Variants in CFAP251 observed in about 807,000 individuals in gnomAD.
CFAP251 encodes the protein cilia- and flagella-associated protein 251.
In CFAP251, 93 loss-of-function variants were observed where a neutral mutation model predicts 126.7. The ratio of observed to expected loss-of-function variants is 0.73; its 90% CI spans 0.62 to 0.87. CFAP251 has a LOEUF of 0.87. CFAP251 is among the 40% of genes least tolerant of loss of function. The pLI is 0.00. For synonymous variants in CFAP251, 503 were observed against 506.9 expected, an observed-to-expected ratio of 0.99 and a Z score of 0.10; for missense variants, 1,287 against 1,389.2, an observed-to-expected ratio of 0.93 and a Z score of 1.17.
At chr12:121,938,078 C>T (rs1017766119) in intron 5 of CFAP251, among the ~76,000 whole-genome samples, 1 of 152,080 alleles carries the variant, frequency 6.6e-6, no homozygotes, top group Non-Finnish European at 1.5e-5. Flanking sequence ...GATCATGGCT[C>T]ACTGCAGCCT....
At chr12:121,951,592 A>G (rs1881527843) in intron 9 of CFAP251, 62 bp downstream of exon 9, 27 of 1,266,582 alleles carry the variant, frequency 2.1e-5, no homozygotes, top group Non-Finnish European at 2.9e-5. Flanking sequence ...TTTATGTGCA[A>G]GCTTAGCTGC....
intron 3 of CFAP251, among the ~76,000 whole-genome samples, chr12:121,925,701 G>T (rs1201948756): frequency 6.6e-6 from 1 of 152,090 alleles, no homozygotes; most frequent in African/African-American, 2.4e-5. Context: ...TATTCTTTGT[G>T]TCAGGGGCAC....
intron 19 of CFAP251, chr12:121,992,268 A>T: frequency 1.0e-6 from 1 of 985,480 alleles, no homozygotes; most frequent in Non-Finnish European, 1.2e-6. Flanking sequence ...CAAGTAGCAG[A>T]ACCTGCCTTT....
intron 2 of CFAP251, among the ~76,000 whole-genome samples, chr12:121,923,042 G>T (rs569850134): frequency 6.6e-6 from 1 of 151,904 alleles, no homozygotes; most frequent in African/African-American, 2.4e-5. Flanking sequence ...TGATCTGCCC[G>T]CCTCGGCCTC....
At chr12:121,992,952 TCTCCCTCTCCCA>T (rs1263694922) in intron 19 of CFAP251, among the ~76,000 whole-genome samples, 1,163 of 97,454 alleles carry the variant, frequency 0.012, 20 homozygotes, top group South Asian at 0.046. Flanking sequence ...GAGCTCTCCC[TCTCCCTCTCCCA>T]CTCCCTCTCC....
intron 19 of CFAP251, among the ~76,000 whole-genome samples, chr12:121,987,715 CAAA>C (rs67772162): frequency 8.2e-5 from 7 of 85,028 alleles, no homozygotes; most frequent in Admixed American, 1.1e-4. Context: ...GACTCCGTCT[CAAA>C]AAAAAAAAAA....
At chr12:121,931,361 G>A (rs950030900) in intron 3 of CFAP251, among the ~76,000 whole-genome samples, 2 of 152,002 alleles carry the variant, frequency 1.3e-5, no homozygotes, top group Non-Finnish European at 2.9e-5. Context: ...CGCCCGGGCT[G>A]GAGTGCGATG....
At chr12:121,961,014 C>T (rs1378195899) in intron 14 of CFAP251, among the ~76,000 whole-genome samples, 1 of 152,172 alleles carries the variant, frequency 6.6e-6, no homozygotes, top group Non-Finnish European at 1.5e-5. Flanking sequence ...GGGGAGTTCC[C>T]CATAGCTTGG....
chr12:121,966,057 G>A (rs1033302371), intron 15 of CFAP251, among the ~76,000 whole-genome samples: 7 of 151,476 alleles, frequency 4.6e-5, no homozygotes, highest in African/African-American at 1.7e-4. Flanking sequence ...CAAAGTGCTG[G>A]GATTATGGGA....
rs995847229 is a variant in CFAP251 at position 121,922,799 on chromosome 12, T to C, written c.379-823T>C. 7.4e-4 allele frequency among the ~76,000 whole-genome samples: 112 copies of C among 152,340 alleles called. 2 individuals carry two copies. Among genetic ancestry groups the C allele is most frequent in the Non-Finnish European group, 1.2e-4 (8 of 68,036 alleles). ...TTTCTTTTCTCTTTTCTTTTCTTTTTTCTTTTTTGAGACGGAGTCTCGCTC... is the reference window on the plus strand; with the variant it reads ...TTTCTTTTCTCTTTTCTTTTCTTTTCTCTTTTTTGAGACGGAGTCTCGCTC... On this transcript the variant is annotated intron_variant, in intron 2 of 21. Transcript: ENST00000288912.
intron 5 of CFAP251, among the ~76,000 whole-genome samples, chr12:121,941,559 C>G (rs1289337426): frequency 6.6e-6 from 1 of 152,044 alleles, no homozygotes; most frequent in Non-Finnish European, 1.5e-5. Context: ...ATCTTGAACT[C>G]CTTAGCTCAA....
At chr12:121,927,003 A>G (rs1000893794) in intron 3 of CFAP251, among the ~76,000 whole-genome samples, 2 of 152,140 alleles carry the variant, frequency 1.3e-5, no homozygotes, top group African/African-American at 4.8e-5. Context: ...GACAACTTAT[A>G]CATGTTTGAA....
chr12:121,984,094 A>G (rs1221842622), intron 19 of CFAP251, among the ~76,000 whole-genome samples: 2 of 152,176 alleles, frequency 1.3e-5, no homozygotes, highest in Non-Finnish European at 2.9e-5. Flanking sequence ...CCCAAAGACT[A>G]TACATTATTG....
In CFAP251 at chr12:121,958,896, T is replaced by C. The variant is rs146351300; in HGVS notation, c.1982-47T>C. ...AGCCTGGCACAGACTCAACATCTCTTGAATGAATGTAATCCTTTTCCATCG... is the reference window on the plus strand; with the variant it reads ...AGCCTGGCACAGACTCAACATCTCTCGAATGAATGTAATCCTTTTCCATCG... On this transcript the variant is annotated intron_variant, in intron 12 of 21. Coordinates refer to ENST00000288912, the MANE Select transcript of CFAP251 (RefSeq NM_144668.6). 472 of 1,539,154 alleles carry C rather than the reference T, an allele frequency of 3.1e-4. 2 individuals are homozygous for C. In the African/African-American group the frequency reaches 5.9e-3, roughly 19 times the overall value.
intron 19 of CFAP251, among the ~76,000 whole-genome samples, chr12:121,990,018 C>T (rs1040354909): frequency 6.6e-6 from 1 of 152,136 alleles, no homozygotes; most frequent in African/African-American, 2.4e-5. Flanking sequence ...CAAGAGGCCA[C>T]CCTCATGTCT....
chr12:121,928,626 G>GTGTATATATATATATA lies in CFAP251; in HGVS notation c.748-3119_748-3118insGTATATATATATATAT, dbSNP rs148145141. On this transcript the variant is annotated intron_variant, in intron 3 of 21. Coordinates refer to ENST00000288912, the MANE Select transcript of CFAP251 (RefSeq NM_144668.6). ...ACCCTAGATAATTTTATGTATATGT[G>GTGTATATATATATATA]TATATATATACGTATATATATATAT... is the stretch of plus-strand genomic sequence containing the variant. Among the ~76,000 whole-genome samples, 61 of 43,190 alleles carry GTGTATATATATATATA rather than the reference G, an allele frequency of 1.4e-3. 4 individuals are homozygous for GTGTATATATATATATA. Among genetic ancestry groups the GTGTATATATATATATA allele is most frequent in the Middle Eastern group, 0.02 (2 of 98 alleles). 28.3% of individuals were successfully genotyped at this position (43,190 alleles called of 152,430 possible).
chr12:121,954,654 A>C (rs1176846436), intron 10 of CFAP251, among the ~76,000 whole-genome samples: 3 of 149,470 alleles, frequency 2.0e-5, no homozygotes, highest in East Asian at 1.9e-4. Context: ...AAAAAAAAAA[A>C]AAAAAAAAAA....
intron 21 of CFAP251, among the ~76,000 whole-genome samples, chr12:122,002,989 C>T (rs79567508): frequency 1.2e-3 from 176 of 152,272 alleles, no homozygotes; most frequent in African/African-American, 3.9e-3. Context: ...CTCTCCCTAC[C>T]CCATTCCTTT....
At chr12:121,961,853 G>C in intron 14 of CFAP251, 125 bp from the exon 15 acceptor site, 2 of 956,354 alleles carry the variant, frequency 2.1e-6, no homozygotes, top group Non-Finnish European at 3.1e-6. Flanking sequence ...ACCTGATACC[G>C]TCTCCCCCAG....
Sources: gnomAD v4.1 joint callset for allele counts (sites outside exome capture counted in the v4.1 genomes callset) on GRCh38, gnomAD v4.1.1 for gene constraint, MANE v1.5 for transcripts, NCBI Gene and HGNC (gene_info 2026-07-23, HGNC 2026-07-21) for gene names.